Variants in FSTL5 observed in about 807,000 individuals in gnomAD.
FSTL5 encodes the protein follistatin-related protein 5.
A neutral mutation model predicts 89.1 loss-of-function variants in FSTL5; 62 were observed. That is an observed-to-expected ratio of 0.70 (90% CI 0.57 to 0.86). The LOEUF (loss-of-function observed/expected upper bound fraction) is 0.86. Among genes scored for constraint, FSTL5 ranks in the 40% least tolerant of loss-of-function variants. The probability of loss-of-function intolerance (pLI) is 0.00; values close to 1 mark genes in which losing one functional copy is unlikely to be tolerated. For synonymous variants in FSTL5, 383 were observed against 346.2 expected, an observed-to-expected ratio of 1.11 and a Z score of -1.18; for missense variants, 1,057 against 1,001.6, an observed-to-expected ratio of 1.06 and a Z score of -0.75.
intron 3 of FSTL5, among the ~76,000 whole-genome samples, chr4:161,929,461 C>G (rs1001427392): frequency 5.9e-5 from 9 of 151,584 alleles, no homozygotes; most frequent in African/African-American, 1.7e-4. Context: ...TTTTGCTTTG[C>G]CATATAAACT....
chr4:161,581,575 G>A lies in FSTL5; in HGVS notation c.1015+5880C>T, dbSNP rs1443767142. Among the ~76,000 whole-genome samples the A allele has an allele frequency of 5.9e-5, 9 of 152,164 alleles. No homozygotes were observed. The South Asian group carries it at 1.2e-3, about 21-fold the overall frequency. ...GCTATTGTTGCCCCAGACTTAAGCT[G>A]GGTTTTCTAAATAATAGCTCTGTCA... On this transcript the variant is annotated intron_variant, in intron 8 of 15. Coordinates refer to ENST00000306100, the MANE Select transcript of FSTL5 (RefSeq NM_020116.5).
chr4:161,847,558 T>C (rs990174504), intron 4 of FSTL5, among the ~76,000 whole-genome samples: 13 of 152,200 alleles, frequency 8.5e-5, no homozygotes, highest in African/African-American at 2.2e-4. Flanking sequence ...TTAGAGTCAC[T>C]TGTAGTTGTT....
At chr4:161,456,876 T>C (rs1578987904) in intron 14 of FSTL5, among the ~76,000 whole-genome samples, 2 of 152,284 alleles carry the variant, frequency 1.3e-5, no homozygotes, top group East Asian at 1.9e-4. Flanking sequence ...TTCAAGGGAA[T>C]TGACCTACTC....
At chr4:161,952,934 G>A (rs1346063933) in intron 3 of FSTL5, among the ~76,000 whole-genome samples, 1 of 151,688 alleles carries the variant, frequency 6.6e-6, no homozygotes, top group Non-Finnish European at 1.5e-5. Context: ...AAAATATGAT[G>A]GGTGTGTAGA....
At chr4:161,619,554 A>G (rs1735034040) in intron 7 of FSTL5, among the ~76,000 whole-genome samples, 1 of 152,242 alleles carries the variant, frequency 6.6e-6, no homozygotes, top group African/African-American at 2.4e-5. Context: ...ACTTCTCAAA[A>G]GAAGATATTT....
At chr4:161,693,064 C>A (rs921085639) in intron 6 of FSTL5, among the ~76,000 whole-genome samples, 2 of 152,108 alleles carry the variant, frequency 1.3e-5, no homozygotes, top group East Asian at 1.9e-4. Flanking sequence ...AGAATTGTGA[C>A]ACAATTTTTG....
At chr4:161,471,041 T>A (rs996809684) in intron 13 of FSTL5, among the ~76,000 whole-genome samples, 8 of 152,274 alleles carry the variant, frequency 5.3e-5, no homozygotes, top group African/African-American at 1.9e-4. Context: ...ATTTTGCTTA[T>A]TCCTTTTTAA....
At chr4:161,386,770 C>A in intron 15 of FSTL5, 1 of 230,628 alleles carries the variant, frequency 4.3e-6, no homozygotes, top group East Asian at 1.0e-4. Context: ...TTCTGTAAGT[C>A]TCTAGACCAT....
intron 15 of FSTL5, among the ~76,000 whole-genome samples, chr4:161,395,916 C>T (rs934683139): frequency 6.6e-6 from 1 of 152,034 alleles, no homozygotes; most frequent in Admixed American, 6.6e-5. Context: ...ATTGTTATAA[C>T]AATGGCCTCC....
intron 10 of FSTL5, among the ~76,000 whole-genome samples, chr4:161,531,878 T>C (rs1444608009): frequency 6.6e-6 from 1 of 152,146 alleles, no homozygotes; most frequent in Non-Finnish European, 1.5e-5. Context: ...TTTTGAGAAA[T>C]AGATTTTTGT....
chr4:161,870,979 C>A (rs1732244549), intron 4 of FSTL5, among the ~76,000 whole-genome samples: 1 of 152,042 alleles, frequency 6.6e-6, no homozygotes, highest in Admixed American at 6.6e-5. Context: ...TTATTTATAT[C>A]TTTAAAAATA....
Position 161,736,733 on chromosome 4 carries a change from G to A in FSTL5, c.727+22678C>T, listed in dbSNP as rs945968137. The stretch of plus-strand genomic sequence containing the variant: ...GAAGGATAATAAGAAAATCTGTCCT[G>A]CAGATTAGAGGCAGTTAAAAACAGA... On this transcript the variant is annotated intron_variant, in intron 6 of 15. Transcript: ENST00000306100. Among the ~76,000 whole-genome samples, 13 of 152,210 alleles carry A rather than the reference G, an allele frequency of 8.5e-5. 1 individual carries two copies. The East Asian group carries it at 2.1e-3, about 25-fold the overall frequency.
chr4:161,513,767 TA>T (rs1730729663), intron 10 of FSTL5, among the ~76,000 whole-genome samples: 1 of 152,124 alleles, frequency 6.6e-6, no homozygotes, highest in South Asian at 2.1e-4. Flanking sequence ...TGTTCTCACT[TA>T]TAAGTGGGAG....
At chr4:162,109,869 A>T (rs943590026) in intron 2 of FSTL5, among the ~76,000 whole-genome samples, 68 of 152,052 alleles carry the variant, frequency 4.5e-4, no homozygotes, top group African/African-American at 1.6e-3. Context: ...CACAGAATAA[A>T]TATTCAATGG....
chr4:161,600,588 C>G (rs1734196635), intron 7 of FSTL5, among the ~76,000 whole-genome samples: 1 of 151,948 alleles, frequency 6.6e-6, no homozygotes, highest in Non-Finnish European at 1.5e-5. Context: ...GCAGAATATC[C>G]CAGTTTCTTG....
chr4:162,118,494 C>A (rs973643760), intron 1 of FSTL5, among the ~76,000 whole-genome samples: 1 of 152,126 alleles, frequency 6.6e-6, no homozygotes, highest in Non-Finnish European at 1.5e-5. Flanking sequence ...ATCTCCTGAC[C>A]TCGTGATCCG....
intron 6 of FSTL5, among the ~76,000 whole-genome samples, chr4:161,671,997 C>T (rs951179703): frequency 6.6e-6 from 1 of 152,142 alleles, no homozygotes; most frequent in African/African-American, 2.4e-5. Context: ...AATCTGTGAA[C>T]AAGTTTGATT....
At chr4:161,955,730 A>C (rs1378875723) in intron 3 of FSTL5, among the ~76,000 whole-genome samples, 3 of 151,890 alleles carry the variant, frequency 2.0e-5, no homozygotes, top group African/African-American at 4.8e-5. Context: ...TGGAATGCGC[A>C]AGTGAGTCTA....
intron 12 of FSTL5, among the ~76,000 whole-genome samples, chr4:161,488,006 G>A (rs1729738612): frequency 6.6e-6 from 1 of 151,906 alleles, no homozygotes; most frequent in Admixed American, 6.6e-5. Flanking sequence ...GAATATGCTA[G>A]ATATAAAGTT....
Sources: allele counts gnomAD v4.1 joint callset (sites outside exome capture counted in the v4.1 genomes callset), GRCh38; gene constraint gnomAD v4.1.1; transcripts MANE v1.5; gene names NCBI Gene and HGNC (gene_info 2026-07-23, HGNC 2026-07-21).